KLF12: variants seen among roughly 807,000 people sequenced by gnomAD.
The protein encoded by KLF12 is KLF transcription factor 12, also known as Krueppel-like factor 12.
Under a neutral mutation model 37.8 loss-of-function variants are expected in KLF12, and 9 were observed. That is an observed-to-expected ratio of 0.24 (90% CI 0.14 to 0.42). The LOEUF (loss-of-function observed/expected upper bound fraction) is 0.42, where lower values mean the gene tolerates loss of function less well. Among genes scored for constraint, KLF12 ranks in the 10% least tolerant of loss-of-function variants. The probability of loss-of-function intolerance (pLI) is 1.00; values close to 1 mark genes in which losing one functional copy is unlikely to be tolerated. For synonymous variants in KLF12, 208 were observed against 202.1 expected, an observed-to-expected ratio of 1.03 and a Z score of -0.25; for missense variants, 411 against 516.0, an observed-to-expected ratio of 0.80 and a Z score of 1.97.
the KLF12 span, among the ~76,000 whole-genome samples, chr13:74,140,288 G>T: frequency 6.6e-6 from 1 of 152,122 alleles, no homozygotes; most frequent in Non-Finnish European, 1.5e-5. Context: ...TTTGGGAAGC[G>T]GAAGTGACAG....
At chr13:74,149,689 C>T in the KLF12 span, among the ~76,000 whole-genome samples, 23 of 152,322 alleles carry the variant, frequency 1.5e-4, no homozygotes, top group African/African-American at 5.5e-4. Flanking sequence ...CCTCTCTGCT[C>T]AACACCCTCA....
At chr13:73,880,280 C>A (rs1472592891) in intron 3 of KLF12, among the ~76,000 whole-genome samples, 2 of 152,172 alleles carry the variant, frequency 1.3e-5, no homozygotes, top group African/African-American at 4.8e-5. Flanking sequence ...TTCACTTTTC[C>A]TCTCCAAATG....
intron 4 of KLF12, among the ~76,000 whole-genome samples, chr13:73,839,593 T>C (rs999887329): frequency 2.6e-5 from 4 of 152,184 alleles, no homozygotes; most frequent in African/African-American, 9.6e-5. Flanking sequence ...TTTATAATTA[T>C]CAATGGAACT....
At chr13:73,739,000 C>T (rs1019553830) in intron 6 of KLF12, among the ~76,000 whole-genome samples, 3 of 152,050 alleles carry the variant, frequency 2.0e-5, no homozygotes, top group Admixed American at 1.3e-4. Context: ...TTTGGAAGGC[C>T]GAGGTGGGTG....
At chr13:74,082,108 G>T (rs1346047671) in intron 1 of KLF12, among the ~76,000 whole-genome samples, 1 of 146,524 alleles carries the variant, frequency 6.8e-6, no homozygotes, top group Non-Finnish European at 1.5e-5. Flanking sequence ...CAGGAGGACT[G>T]CTCGAGCCCA....
chr13:73,719,002 AC>A (rs1315625889), intron 6 of KLF12, among the ~76,000 whole-genome samples: 2 of 152,258 alleles, frequency 1.3e-5, no homozygotes, highest in Non-Finnish European at 2.9e-5. Flanking sequence ...GAATAGTTGT[AC>A]CCAGTAAAGC....
the KLF12 span, among the ~76,000 whole-genome samples, chr13:74,222,905 G>T: frequency 6.6e-6 from 1 of 152,290 alleles, no homozygotes; most frequent in South Asian, 2.1e-4. Flanking sequence ...AACAATAGTG[G>T]AATGAATCAA....
At chr13:74,096,075 T>C (rs1371292178) in intron 1 of KLF12, among the ~76,000 whole-genome samples, 2 of 152,196 alleles carry the variant, frequency 1.3e-5, no homozygotes, top group African/African-American at 4.8e-5. Context: ...CCTAGAACAG[T>C]TGTTCTCCAT....
At chr13:73,744,470 C>T (rs566685765) in intron 6 of KLF12, among the ~76,000 whole-genome samples, 23 of 151,818 alleles carry the variant, frequency 1.5e-4, no homozygotes, top group African/African-American at 5.6e-4. Flanking sequence ...CTTTATAAAC[C>T]CTTTAGGCAC....
chr13:73,762,448 T>C (rs1250047325), intron 6 of KLF12, among the ~76,000 whole-genome samples: 2 of 152,200 alleles, frequency 1.3e-5, no homozygotes, highest in African/African-American at 2.4e-5. Context: ...TTTCCCAACC[T>C]ACTGATTTTC....
intron 3 of KLF12, among the ~76,000 whole-genome samples, chr13:73,870,522 G>A (rs375195562): frequency 6.6e-6 from 1 of 152,130 alleles, no homozygotes. Flanking sequence ...GTACTTAAAG[G>A]TAACTGCCAG....
chr13:74,071,976 C>G (rs1566198546), intron 1 of KLF12, among the ~76,000 whole-genome samples: 1 of 152,058 alleles, frequency 6.6e-6, no homozygotes, highest in Admixed American at 6.5e-5. Context: ...CCCCAACCCC[C>G]CCACCTGAAC....
intron 1 of KLF12, among the ~76,000 whole-genome samples, chr13:74,076,927 G>A (rs1874597989): frequency 6.6e-6 from 1 of 152,156 alleles, no homozygotes. Flanking sequence ...TTAGTTTGCT[G>A]AGGATCACAG....
chr13:73,859,976 A>G (rs1052863109), intron 3 of KLF12, among the ~76,000 whole-genome samples: 2 of 152,236 alleles, frequency 1.3e-5, no homozygotes, highest in Non-Finnish European at 2.9e-5. Flanking sequence ...TTTTTGACCA[A>G]TGATGAGTGC....
intron 1 of KLF12, 31 bp from the exon 2 acceptor site, chr13:73,995,084 G>C: frequency 6.8e-7 from 1 of 1,471,366 alleles, no homozygotes; most frequent in Non-Finnish European, 9.4e-7. Context: ...CAAATGATGA[G>C]AGAAAGTTCT....
chr13:73,776,564 G>T (rs1594078186), intron 5 of KLF12, among the ~76,000 whole-genome samples: 1 of 152,124 alleles, frequency 6.6e-6, no homozygotes, highest in Non-Finnish European at 1.5e-5. Context: ...AATGCACCGG[G>T]ACTCTCACAT....
chr13:73,782,274 C>T (rs1434979314), intron 5 of KLF12, among the ~76,000 whole-genome samples: 1 of 152,194 alleles, frequency 6.6e-6, no homozygotes, highest in Non-Finnish European at 1.5e-5. Flanking sequence ...CTATCCAAGT[C>T]TCAGCTTGAT....
chr13:73,818,430 A>C (rs1883353052), intron 4 of KLF12, among the ~76,000 whole-genome samples: 1 of 152,206 alleles, frequency 6.6e-6, no homozygotes, highest in Admixed American at 6.5e-5. Context: ...AGCTCACATG[A>C]GACATTTAAA....
At chr13:74,221,616 T>C in the KLF12 span, among the ~76,000 whole-genome samples, 5 of 152,224 alleles carry the variant, frequency 3.3e-5, no homozygotes, top group South Asian at 1.0e-3. Flanking sequence ...TATTTTTTCT[T>C]TGTTATTTTT....
Sources: allele counts gnomAD v4.1 joint callset (sites outside exome capture counted in the v4.1 genomes callset), GRCh38; gene constraint gnomAD v4.1.1; transcripts MANE v1.5; gene names NCBI Gene and HGNC (gene_info 2026-07-23, HGNC 2026-07-21).